The following CTSC variants were observed in gnomAD, a reference collection of about 807,000 sequenced individuals.
The protein encoded by CTSC is cathepsin C.
In CTSC, 37 loss-of-function variants were observed where a neutral mutation model predicts 40.9. The observed-to-expected ratio is 0.91, with a 90% CI of 0.70 to 1.19. CTSC has a LOEUF of 1.19. Among genes scored for constraint, CTSC ranks in the 50% most tolerant of loss-of-function variants. CTSC has a pLI of 0.00. For synonymous variants in CTSC, 232 were observed against 207.4 expected, an observed-to-expected ratio of 1.12 and a Z score of -1.02; for missense variants, 594 against 567.3, an observed-to-expected ratio of 1.05 and a Z score of -0.48.
At chr11:88,335,322 T>G (rs1938466060) in intron 1 of CTSC, among the ~76,000 whole-genome samples, 1 of 152,054 alleles carries the variant, frequency 6.6e-6, no homozygotes, top group African/African-American at 2.4e-5. Flanking sequence ...AAGCAGTGGC[T>G]CACGCCTGTA....
intron 2 of CTSC, chr11:88,326,250 G>A: frequency 6.6e-7 from 1 of 1,521,414 alleles, no homozygotes; most frequent in South Asian, 1.3e-5. Flanking sequence ...CAGCTGCCTT[G>A]GAGGTAGGTC....
At chr11:88,295,157 T>C (rs1353296659) in intron 6 of CTSC, among the ~76,000 whole-genome samples, 1 of 152,212 alleles carries the variant, frequency 6.6e-6, no homozygotes, top group African/African-American at 2.4e-5. Context: ...TTATAGCCCC[T>C]ATAGCCTACA....
chr11:88,320,548 C>G (rs1451695652), intron 2 of CTSC, among the ~76,000 whole-genome samples: 1 of 152,230 alleles, frequency 6.6e-6, no homozygotes, highest in Non-Finnish European at 1.5e-5. Context: ...GCAGTCAGAA[C>G]ACTCAGGATT....
In CTSC at chr11:88,296,279, A is replaced by C; in HGVS notation, c.758-15T>G. The C allele has an allele frequency of 6.2e-7, 1 of 1,613,446 alleles. No individual in the cohort carries two copies. The highest frequency in any genetic ancestry group is 8.5e-7 in the Non-Finnish European group (1 of 1,179,584). On this transcript the variant is annotated splice_polypyrimidine_tract_variant and intron_variant, in intron 5 of 6. Transcript: ENST00000227266. Reference sequence around the variant, plus strand: ...GCCACAGGATGCTGGCGATGAAAAAAAGACACATAATCCAAGAGACATCTG... The same window carrying C: ...GCCACAGGATGCTGGCGATGAAAAACAGACACATAATCCAAGAGACATCTG...
At chr11:88,307,761 T>C (rs958263149) in intron 4 of CTSC, among the ~76,000 whole-genome samples, 7 of 152,128 alleles carry the variant, frequency 4.6e-5, no homozygotes, top group African/African-American at 9.7e-5. Flanking sequence ...GTGATAAATA[T>C]AGTTATGGTC....
At chr11:88,335,585 A>G (rs148896361) in intron 1 of CTSC, among the ~76,000 whole-genome samples, 2,102 of 152,234 alleles carry the variant, frequency 0.014, 46 homozygotes, top group African/African-American at 0.048. Context: ...TGTCTCAAAA[A>G]AGAGAGATAT....
In CTSC at chr11:88,300,653, G is replaced by A. The variant is rs1470670882; in HGVS notation, c.642-8C>T. The A allele has an allele frequency of 6.5e-7, 1 of 1,533,528 alleles. No homozygotes were observed. Among genetic ancestry groups the A allele is most frequent in the South Asian group, 1.1e-5 (1 of 89,366 alleles). The allele number at this position is 1,533,528 out of a possible 1,614,324, so 95.0% of individuals were successfully genotyped here. ...AGTGGTGCAGGTTTGGGCCTAGAAA[G>A]GAAATATACATTTGATATCAACATA... is the stretch of plus-strand genomic sequence containing the variant. On this transcript the variant is annotated splice_polypyrimidine_tract_variant and splice_region_variant and intron_variant, in intron 4 of 6. Transcript: ENST00000227266.
chr11:88,337,228 C>T (rs926265482), intron 1 of CTSC, among the ~76,000 whole-genome samples: 2 of 152,146 alleles, frequency 1.3e-5, no homozygotes, highest in African/African-American at 4.8e-5. Flanking sequence ...TCAAAGCAAA[C>T]AAAATTAAGC....
chr11:88,326,056 A>G, intron 2 of CTSC: 6 of 1,121,630 alleles, frequency 5.3e-6, no homozygotes, highest in Non-Finnish European at 6.5e-6. Context: ...ACTGTAATAG[A>G]AGGGATTTCA....
intron 2 of CTSC, among the ~76,000 whole-genome samples, chr11:88,330,440 C>T (rs1050223002): frequency 1.3e-5 from 2 of 149,730 alleles, no homozygotes; most frequent in African/African-American, 4.9e-5. Context: ...CCTCTGCCTC[C>T]TGGGTTCAAG....
rs368729534 is a variant in CTSC at position 88,316,280 on chromosome 11, G to C, written c.319-3726C>G. Among the ~76,000 whole-genome samples, 59 of 152,230 alleles carry C rather than the reference G, an allele frequency of 3.9e-4. No individual in the cohort carries two copies. The South Asian group carries it at 0.01, about 26-fold the overall frequency. On this transcript the variant is annotated intron_variant, in intron 2 of 6. Transcript: ENST00000227266. ...GGCTGTGTGATCCTGAGCAAGTCAC[G>C]TTCCTCTCTGTACTTTCAGTTTCCT...
chr11:88,335,031 T>A lies in CTSC; in HGVS notation c.224A>T (p.Tyr75Phe). Residue 75 changes from tyrosine (Y) to phenylalanine (F), a missense_variant, in exon 2 of 7, where the codon TAT becomes TTT. By Grantham distance (22) the Tyr-to-Phe change is conservative. Coordinates refer to ENST00000227266, the MANE Select transcript of CTSC (RefSeq NM_001814.6). ...VVYLQKLDTAYDDLGNSGHFT... is the reference protein window; with the variant it reads ...VVYLQKLDTAFDDLGNSGHFT... ...ATGGCCAGAATTGCCAAGGTCATCA[T>A]ATGCTGTATCCAGCTTCTGAAGGTA... is the stretch of plus-strand genomic sequence containing the variant. The A allele has an allele frequency of 6.2e-7, 1 of 1,607,294 alleles. No homozygotes were observed.
In CTSC at chr11:88,294,308, A is replaced by G; in HGVS notation, c.1090T>C (p.Leu364=). The G allele has an allele frequency of 6.2e-7, 1 of 1,614,098 alleles. No individual in the cohort carries two copies. The highest frequency in any genetic ancestry group is 8.5e-7 in the Non-Finnish European group (1 of 1,180,008). ...ACTGCCATGGGCCCATGATGGACCA[A>G]CTCAAGCTTCATCAGGGCTTCATTG... ...GCNEALMKLE[L]VHHGPMAVAF... is the part of the protein sequence containing the mutation. The change falls in exon 7 of 7, where the codon TTG becomes CTG. Residue 364 remains leucine, a synonymous_variant. Coordinates refer to ENST00000227266, the MANE Select transcript of CTSC (RefSeq NM_001814.6).
intron 2 of CTSC, among the ~76,000 whole-genome samples, chr11:88,315,804 C>T (rs1054622352): frequency 8.5e-5 from 13 of 152,116 alleles, no homozygotes; most frequent in African/African-American, 9.7e-5. Flanking sequence ...AAATCACTGA[C>T]GGGAGATACC....
intron 3 of CTSC, 27 bp from the exon 4 acceptor site, chr11:88,309,345 G>C: frequency 6.3e-7 from 1 of 1,584,208 alleles, no homozygotes; most frequent in Non-Finnish European, 8.7e-7. Context: ...GATAATTTCA[G>C]ATATAGTCTT....
At position 88,312,563 on chromosome 11, in the gene CTSC, A is replaced by C. The variant is rs1331844099; in HGVS notation, c.319-9T>G. On this transcript the variant is annotated splice_polypyrimidine_tract_variant and intron_variant, in intron 2 of 6. Coordinates refer to ENST00000227266, the MANE Select transcript of CTSC (RefSeq NM_001814.6). ...CTGCCCTCTTCTTTATACTGCAAACAAATAAGAGAAAAGAAAACCAAGTAA... is the reference window on the plus strand; with the variant it reads ...CTGCCCTCTTCTTTATACTGCAAACCAATAAGAGAAAAGAAAACCAAGTAA... The C allele has an allele frequency of 6.2e-7, 1 of 1,613,966 alleles. No homozygotes were observed. The highest frequency in any genetic ancestry group is 1.7e-5 in the Admixed American group (1 of 60,000).
intron 2 of CTSC, chr11:88,326,396 A>T: frequency 6.2e-7 from 1 of 1,614,078 alleles, no homozygotes; most frequent in East Asian, 2.2e-5. Context: ...ACGTCTGTTC[A>T]TGGCTGTGGT....
chr11:88,307,590 C>A lies in CTSC; in HGVS notation c.641+1573G>T, dbSNP rs1937663407. On this transcript the variant is annotated intron_variant, in intron 4 of 6. Coordinates refer to ENST00000227266, the MANE Select transcript of CTSC (RefSeq NM_001814.6). The stretch of plus-strand genomic sequence containing the variant: ...TTTTTTTTTTTTTTTTGCTGGACAT[C>A]AAAGCATAGAGAGGATTTTGAGATT... 7.5e-5 allele frequency among the ~76,000 whole-genome samples: 8 copies of A among 106,648 alleles called. No homozygotes were observed. The East Asian group carries it at 9.0e-4, about 12-fold the overall frequency. The allele number at this position is 106,648 out of a possible 152,430, so 70.0% of individuals were successfully genotyped here.
At chr11:88,298,196 A>C (rs1016346214) in intron 5 of CTSC, 1 of 152,218 alleles carries the variant, frequency 6.6e-6, no homozygotes, top group African/African-American at 2.4e-5. Context: ...ACGCATTATG[A>C]AAACACTCTG....
Sources: allele counts gnomAD v4.1 joint callset (sites outside exome capture counted in the v4.1 genomes callset), GRCh38; gene constraint gnomAD v4.1.1; transcripts MANE v1.5; gene names NCBI Gene and HGNC (gene_info 2026-07-23, HGNC 2026-07-21).